Variants in COG5 observed in about 807,000 individuals in gnomAD.
COG5 encodes the protein conserved oligomeric Golgi complex subunit 5.
A neutral mutation model predicts 110.4 loss-of-function variants in COG5; 86 were observed. That is an observed-to-expected ratio of 0.78 (90% CI 0.65 to 0.93). COG5 has a LOEUF of 0.93. COG5 is among the 40% of genes least tolerant of loss of function. The pLI, the probability that COG5 is intolerant of heterozygous loss-of-function variation, is 0.00. For missense variants in COG5, 1,077 were observed against 987.0 expected (o/e 1.09, Z -1.22); for synonymous variants, 360 against 334.6 (o/e 1.08, Z -0.83).
chr7:107,258,448 T>TCACA (rs982586773), intron 14 of COG5, 65 bp from the exon 15 acceptor site: 3 of 880,404 alleles, frequency 3.4e-6, no homozygotes, highest in Middle Eastern at 2.2e-4. Context: ...TCTCTCTCTC[T>TCACA]CTCACACACA....
intron 12 of COG5, among the ~76,000 whole-genome samples, chr7:107,293,916 A>G (rs1219513800): frequency 6.6e-6 from 1 of 151,956 alleles, no homozygotes; most frequent in Non-Finnish European, 1.5e-5. Flanking sequence ...TACTAAAAAT[A>G]CAAAAATTAT....
chr7:107,535,329 G>T (rs946760615), intron 5 of COG5, among the ~76,000 whole-genome samples: 1 of 151,456 alleles, frequency 6.6e-6, no homozygotes, highest in African/African-American at 2.5e-5. Context: ...CAGAACTGAA[G>T]GAGATAGAGA....
In COG5 at chr7:107,230,705, A is replaced by G. The variant is rs1800713197; in HGVS notation, c.2092-14T>C. The G allele has an allele frequency of 6.4e-7, 1 of 1,572,850 alleles. No individual in the cohort carries two copies. The highest frequency in any genetic ancestry group is 8.8e-7 in the Non-Finnish European group (1 of 1,142,678). On this transcript the variant is annotated splice_polypyrimidine_tract_variant and intron_variant, in intron 18 of 21. Coordinates refer to ENST00000297135, the MANE Select transcript of COG5 (RefSeq NM_006348.5). Reference sequence around the variant, plus strand: ...AGCCAACTCCATCTGAAATATTAAAATATACTCCATTGTTGTAATGTCAGA... The same window carrying G: ...AGCCAACTCCATCTGAAATATTAAAGTATACTCCATTGTTGTAATGTCAGA...
At chr7:107,496,831 T>A (rs755243590) in intron 6 of COG5, among the ~76,000 whole-genome samples, 5 of 151,982 alleles carry the variant, frequency 3.3e-5, no homozygotes, top group Non-Finnish European at 5.9e-5. Context: ...AAAACTTCCT[T>A]AACACAATAA....
intron 6 of COG5, among the ~76,000 whole-genome samples, chr7:107,422,843 T>G: frequency 7.1e-6 from 1 of 141,042 alleles, no homozygotes; most frequent in Non-Finnish European, 1.5e-5. Context: ...CTATTCAGTA[T>G]GTGGAAAGCC....
At chr7:107,428,036 C>A (rs962595122) in intron 6 of COG5, among the ~76,000 whole-genome samples, 2 of 151,810 alleles carry the variant, frequency 1.3e-5, no homozygotes, top group Admixed American at 1.3e-4. Context: ...AACCAAGGCA[C>A]CACTCAAAGG....
At chr7:107,433,948 T>C (rs192403968) in intron 6 of COG5, among the ~76,000 whole-genome samples, 22 of 152,206 alleles carry the variant, frequency 1.4e-4, no homozygotes, top group Non-Finnish European at 3.1e-4. Flanking sequence ...AAAGAAATCC[T>C]ACAATTAAGA....
At chr7:107,522,483 A>G (rs1374842795) in intron 6 of COG5, among the ~76,000 whole-genome samples, 3 of 152,130 alleles carry the variant, frequency 2.0e-5, no homozygotes, top group Non-Finnish European at 4.4e-5. Flanking sequence ...AACAACAACA[A>G]CAACAAAACC....
intron 12 of COG5, 117 bp from the exon 13 acceptor site, chr7:107,283,849 T>C (rs1195072555): frequency 4.2e-6 from 3 of 716,744 alleles, no homozygotes; most frequent in Admixed American, 2.4e-5. Context: ...TAACTCTATA[T>C]TAAGAAAAAG....
intron 10 of COG5, among the ~76,000 whole-genome samples, chr7:107,356,972 T>G (rs1333657400): frequency 6.6e-6 from 1 of 152,124 alleles, no homozygotes; most frequent in Non-Finnish European, 1.5e-5. Flanking sequence ...AAAAGAGATT[T>G]TGGTGCATAT....
At chr7:107,341,681 G>C (rs1195827825) in intron 10 of COG5, among the ~76,000 whole-genome samples, 1 of 152,000 alleles carries the variant, frequency 6.6e-6, no homozygotes, top group Non-Finnish European at 1.5e-5. Context: ...AAAACATACA[G>C]ACCAATGGAA....
intron 6 of COG5, among the ~76,000 whole-genome samples, chr7:107,503,141 G>C (rs1029998590): frequency 3.3e-5 from 5 of 152,080 alleles, no homozygotes; most frequent in Admixed American, 6.6e-5. Flanking sequence ...TTGGGTCTTA[G>C]ATTGAAGTCT....
chr7:107,273,075 T>TG (rs1657308219), intron 14 of COG5, among the ~76,000 whole-genome samples: 1 of 152,198 alleles, frequency 6.6e-6, no homozygotes, highest in African/African-American at 2.4e-5. Context: ...CCATTAATCA[T>TG]GCCTCCCTTC....
chr7:107,403,693 T>C (rs895375872), intron 7 of COG5, among the ~76,000 whole-genome samples: 1 of 152,070 alleles, frequency 6.6e-6, no homozygotes, highest in Non-Finnish European at 1.5e-5. Flanking sequence ...AGATAGTAAG[T>C]GCAAAAAGTC....
At chr7:107,415,664 G>T (rs1012009494) in intron 6 of COG5, among the ~76,000 whole-genome samples, 2 of 151,188 alleles carry the variant, frequency 1.3e-5, no homozygotes, top group African/African-American at 2.4e-5. Flanking sequence ...TTATTACAGT[G>T]TTAATTGCAA....
At chr7:107,366,728 C>T (rs1480822592) in intron 8 of COG5, among the ~76,000 whole-genome samples, 4 of 152,030 alleles carry the variant, frequency 2.6e-5, no homozygotes, top group Admixed American at 6.6e-5. Flanking sequence ...CTCCATTTTC[C>T]GTTCATATGA....
intron 14 of COG5, among the ~76,000 whole-genome samples, chr7:107,259,338 G>A (rs948046000): frequency 6.6e-6 from 1 of 152,090 alleles, no homozygotes; most frequent in South Asian, 2.1e-4. Context: ...TAAGGTGGTG[G>A]CCTGAAAATA....
intron 6 of COG5, among the ~76,000 whole-genome samples, chr7:107,524,138 T>C (rs1394011307): frequency 1.3e-5 from 2 of 152,156 alleles, no homozygotes; most frequent in Non-Finnish European, 2.9e-5. Context: ...ACTGACGAAT[T>C]TCAAATTTAC....
intron 10 of COG5, among the ~76,000 whole-genome samples, chr7:107,334,067 T>C (rs1390238225): frequency 6.6e-6 from 1 of 152,286 alleles, no homozygotes; most frequent in South Asian, 2.1e-4. Context: ...ACTAGGTATA[T>C]ATCCAAAGGA....
Sources: gnomAD v4.1 joint callset for allele counts (sites outside exome capture counted in the v4.1 genomes callset) on GRCh38, gnomAD v4.1.1 for gene constraint, MANE v1.5 for transcripts, NCBI Gene and HGNC (gene_info 2026-07-23, HGNC 2026-07-21) for gene names.